GAS6: variants seen among roughly 807,000 people sequenced by gnomAD.
GAS6 encodes growth arrest specific 6.
A neutral mutation model predicts 75.8 loss-of-function variants in GAS6; 41 were observed. The observed-to-expected ratio is 0.54, with a 90% confidence interval of 0.42 to 0.70. The LOEUF (loss-of-function observed/expected upper bound fraction) is 0.70. Among genes scored for constraint, GAS6 ranks in the 30% least tolerant of loss-of-function variants. The probability of loss-of-function intolerance (pLI) is 0.00; values close to 1 mark genes in which losing one functional copy is unlikely to be tolerated. For synonymous variants in GAS6, 432 were observed against 412.6 expected, an observed-to-expected ratio of 1.05 and a Z score of -0.57; for missense variants, 854 against 940.2, an observed-to-expected ratio of 0.91 and a Z score of 1.20.
chr13:113,834,521 G>T, intron 8 of GAS6, 30 bp downstream of exon 8: 1 of 1,500,508 alleles, frequency 6.7e-7, no homozygotes, highest in Non-Finnish European at 8.9e-7. Context: ...GAACCACCGT[G>T]AAGGGCCCGC....
chr13:113,829,547 C>T (rs1159374497), intron 10 of GAS6, among the ~76,000 whole-genome samples: 3 of 149,254 alleles, frequency 2.0e-5, no homozygotes, highest in African/African-American at 7.4e-5. Context: ...CAAGAGGGTC[C>T]CAACTTCAGA....
chr13:113,851,081 G>T (rs549373867), intron 2 of GAS6, among the ~76,000 whole-genome samples: 128 of 152,158 alleles, frequency 8.4e-4, no homozygotes, highest in African/African-American at 2.8e-3. Flanking sequence ...ATGAATGAGT[G>T]GATGGATGAG....
intron 12 of GAS6, among the ~76,000 whole-genome samples, chr13:113,826,140 G>A (rs755600869): frequency 6.6e-6 from 1 of 152,190 alleles, no homozygotes; most frequent in Non-Finnish European, 1.5e-5. Flanking sequence ...GCAGCGTGGC[G>A]TCACAGGACT....
rs2051729240 is a variant in GAS6, at chr13:113,837,453, G to A, written c.589+616C>T. ...GCCTGGGCATGTCCAGATACAACGT[G>A]GGGAGGGAGGAGGAAGGTGCTCCCC... On this transcript the variant is annotated intron_variant, in intron 6 of 14. Coordinates refer to ENST00000327773, the MANE Select transcript of GAS6 (RefSeq NM_000820.4). The surrounding 1 kb of genome is among the most constrained non-coding windows in gnomAD (Gnocchi z 5.1). 6.6e-6 allele frequency among the ~76,000 whole-genome samples: 1 copy of A among 152,040 alleles called. No individual in the cohort carries two copies. The highest frequency in any genetic ancestry group is 6.5e-5 in the Admixed American group (1 of 15,270).
Position 113,827,033 on chromosome 13 carries a change from G to A in GAS6, c.1440C>T (p.Tyr480=). ...CFSVTERGSF[Y]PGSGFAFYSL... ...TGTAGAAGGCGAAGCCGCTCCCGGG[G>A]TAGAAAGAGCCTCTCTCCGTCACCG... The change falls in exon 12 of 15, where the codon TAC becomes TAT. Residue 480 remains tyrosine (Y), a synonymous_variant. Transcript: ENST00000327773. 3 of 1,613,368 alleles carry A rather than the reference G, an allele frequency of 1.9e-6. No homozygotes were observed. In the South Asian group the frequency reaches 3.3e-5, roughly 18 times the overall value.
chr13:113,857,383 T>A (rs1276926413), intron 2 of GAS6, among the ~76,000 whole-genome samples: 1 of 152,168 alleles, frequency 6.6e-6, no homozygotes, highest in African/African-American at 2.4e-5. Flanking sequence ...AAATGAACCT[T>A]TCACTTGGCC....
At chr13:113,846,643 G>A (rs2059607861) in intron 3 of GAS6, 54 bp from the exon 4 acceptor site, 1 of 1,465,096 alleles carries the variant, frequency 6.8e-7, no homozygotes, top group African/African-American at 1.4e-5. Flanking sequence ...CGGATGGACT[G>A]CAGAGCCTCT....
chr13:113,840,955 C>G (rs182591051), intron 4 of GAS6: 3 of 152,346 alleles, frequency 2.0e-5, no homozygotes, highest in Non-Finnish European at 4.4e-5. Flanking sequence ...CAGCAGGGCC[C>G]TAGGGCACTG....
At position 113,832,285 on chromosome 13, in the gene GAS6, T is replaced by A; in HGVS notation, c.1143+14A>T. On this transcript the variant is annotated intron_variant, in intron 10 of 14. Coordinates refer to ENST00000327773, the MANE Select transcript of GAS6 (RefSeq NM_000820.4). Reference sequence around the variant, plus strand: ...CCCCGTGAGGCCTGGAAGGGGTGGCTGCCGCACACTCACTGTCTGCCACAT... The same window carrying A: ...CCCCGTGAGGCCTGGAAGGGGTGGCAGCCGCACACTCACTGTCTGCCACAT... 1 of 1,595,386 alleles carries A rather than the reference T, an allele frequency of 6.3e-7. No individual in the cohort carries two copies. Among genetic ancestry groups the A allele is most frequent in the Non-Finnish European group, 8.5e-7 (1 of 1,179,170 alleles).
chr13:113,863,811 G>A lies in GAS6; in HGVS notation c.88+22C>T. On this transcript the variant is annotated intron_variant, in intron 1 of 14. Transcript: ENST00000327773. The surrounding 1 kb of genome is among the most constrained non-coding windows in gnomAD (Gnocchi z 9.4). ...CCTCCTCCCGCCGCCCGGGGACGGGGTCTCGGGCCCGCGGGACTCACCAAG... is the reference window on the plus strand; with the variant it reads ...CCTCCTCCCGCCGCCCGGGGACGGGATCTCGGGCCCGCGGGACTCACCAAG... 1 of 1,382,420 alleles carries A rather than the reference G, an allele frequency of 7.2e-7. No homozygotes were observed. Among genetic ancestry groups the A allele is most frequent in the Non-Finnish European group, 9.3e-7 (1 of 1,080,482 alleles). 85.6% of individuals were successfully genotyped at this position (1,382,420 alleles called of 1,614,324 possible). A position where few individuals can be genotyped will look rare whatever the true frequency, so the allele number is the denominator to read the frequency against.
In GAS6 at chr13:113,828,620, G is replaced by A. The variant is rs772450271; in HGVS notation, c.1235C>T (p.Pro412Leu). 3.8e-5 allele frequency: 61 copies of A among 1,613,448 alleles called. No individual in the cohort carries two copies. The highest frequency in any genetic ancestry group is 1.6e-4 in the Middle Eastern group (1 of 6,084). The change falls in exon 11 of 15, where the codon CCG becomes CTG. Residue 412 changes from proline (P) to leucine (L), a missense_variant. Transcript: ENST00000327773. ...KIAVAGDLFQPERGLYHLNLT... is the reference protein window; with the variant it reads ...KIAVAGDLFQLERGLYHLNLT... ...GTTCAGATGATACAGTCCTCGCTCC[G>A]GTTGGAACAAGTCCCCGGCCACCGC...
At position 113,820,705 on chromosome 13, in the gene GAS6, G is replaced by T; in HGVS notation, c.*159C>A. 1.2e-6 allele frequency: 1 copy of T among 867,506 alleles called. No individual in the cohort carries two copies. The highest frequency in any genetic ancestry group is 1.7e-6 in the Non-Finnish European group (1 of 584,878). The allele number at this position is 867,506 out of a possible 1,614,324, so 53.7% of individuals were successfully genotyped here. On this transcript the variant is annotated 3_prime_UTR_variant, in exon 15 of 15. Coordinates refer to ENST00000327773, the MANE Select transcript of GAS6 (RefSeq NM_000820.4). ...CCACGGCTGAGTGCGCGGCGTCAGAGGCCCCAAGTCCATCTCACTATTTAC... is the reference window on the plus strand; with the variant it reads ...CCACGGCTGAGTGCGCGGCGTCAGATGCCCCAAGTCCATCTCACTATTTAC...
At chr13:113,859,227 CAT>C (rs971851571) in intron 2 of GAS6, among the ~76,000 whole-genome samples, 2 of 144,054 alleles carry the variant, frequency 1.4e-5, no homozygotes, top group Admixed American at 6.9e-5. Flanking sequence ...CGTATGTGTA[CAT>C]GTCTGTGTGT....
At position 113,834,221 on chromosome 13, in the gene GAS6, TCGGTGTGACAGGCAC is replaced by T. The variant is rs1461109876; in HGVS notation, c.834+315_834+329del. 5.4e-5 allele frequency among the ~76,000 whole-genome samples: 8 copies of T among 148,986 alleles called. No homozygotes were observed. In the East Asian group the frequency reaches 1.2e-3, roughly 22 times the overall value. ...GTGTGACAGGCCCCGGTGTGACAGGTCGGTGTGACAGGCACCGGTGTGACAGGTCGGTCACGTTGG... is the reference window on the plus strand; with the variant it reads ...GTGTGACAGGCCCCGGTGTGACAGGTCGGTGTGACAGGTCGGTCACGTTGG... On this transcript the variant is annotated intron_variant, in intron 8 of 14. Coordinates refer to ENST00000327773, the MANE Select transcript of GAS6 (RefSeq NM_000820.4).
At position 113,839,734 on chromosome 13, in the gene GAS6, C is replaced by T. The variant is rs139682172; in HGVS notation, c.460G>A (p.Asp154Asn). The stretch of plus-strand genomic sequence containing the variant: ...TGTCTTCAGCCTCACGTACCTTTGT[C>T]GCAGAGCCGGCCCCCCCAGCCAGCT... ...CKAGWGGRLC[D>N]KDVNECSQEN... The change falls in exon 5 of 15, where the codon GAC becomes AAC. Residue 154 changes from aspartate to asparagine, a missense_variant. Transcript: ENST00000327773. The T allele has an allele frequency of 1.7e-5, 28 of 1,613,626 alleles. No homozygotes were observed. Among genetic ancestry groups the T allele is most frequent in the African/African-American group, 5.3e-5 (4 of 74,900 alleles).
chr13:113,831,585 C>T (rs916411870), intron 10 of GAS6, among the ~76,000 whole-genome samples: 1 of 152,046 alleles, frequency 6.6e-6, no homozygotes, highest in Non-Finnish European at 1.5e-5. Context: ...CTGAGAACCA[C>T]GGGTTCTACC....
At chr13:113,833,734 T>C (rs868762015) in intron 8 of GAS6, 25 of 855,476 alleles carry the variant, frequency 2.9e-5, no homozygotes, top group Non-Finnish European at 3.1e-5. Context: ...GTGTGACAGG[T>C]CGGTGTGACA....
At chr13:113,850,983 C>T (rs7490435) in intron 2 of GAS6, among the ~76,000 whole-genome samples, 3 of 150,800 alleles carry the variant, frequency 2.0e-5, no homozygotes, top group African/African-American at 7.3e-5. Flanking sequence ...GGGTGAATAA[C>T]CAGATGAATG....
At position 113,820,890 on chromosome 13, in the gene GAS6, G is replaced by A. The variant is rs1427744619; in HGVS notation, c.2011C>T (p.Pro671Ser). The change falls in exon 15 of 15, where the codon CCC becomes TCC. Residue 671 changes from proline to serine, a missense_variant. Transcript: ENST00000327773. ...KHSDITAHSC[P>S]PVEPAAA ...TAGGCTGCGGCGGGCTCCACGGGGG[G>A]GCAGGAGTGGGCCGTGATGTCGCTG... The A allele has an allele frequency of 3.7e-6, 6 of 1,611,316 alleles. No homozygotes were observed. The highest frequency in any genetic ancestry group is 5.1e-6 in the Non-Finnish European group (6 of 1,179,814).
Sources: gnomAD v4.1 joint callset for allele counts (sites outside exome capture counted in the v4.1 genomes callset) on GRCh38, gnomAD v4.1.1 for gene constraint, Gnocchi (gnomAD v3.1) non-coding constraint, MANE v1.5 for transcripts, NCBI Gene and HGNC (gene_info 2026-07-23, HGNC 2026-07-21) for gene names.